Variants in SEC23IP observed in about 807,000 individuals in gnomAD.
The protein encoded by SEC23IP is SEC23 interacting protein, also known as SEC23-interacting protein.
Under a neutral mutation model 113.4 loss-of-function variants are expected in SEC23IP, and 70 were observed. The observed-to-expected ratio is 0.62, with a 90% CI of 0.51 to 0.75. The LOEUF is 0.75. SEC23IP is among the 30% of genes least tolerant of loss of function. The pLI, the probability that SEC23IP is intolerant of heterozygous loss-of-function variation, is 0.00. For missense variants in SEC23IP, 1,160 were observed against 1,204.9 expected (o/e 0.96, Z 0.55); for synonymous variants, 398 against 421.0 (o/e 0.95, Z 0.67).
intron 1 of SEC23IP, among the ~76,000 whole-genome samples, chr10:119,893,580 C>T (rs1250839087): frequency 7.2e-6 from 1 of 139,418 alleles, no homozygotes; most frequent in Admixed American, 7.8e-5. Context: ...AATGCAGTGG[C>T]GCGATCTCGG....
chr10:119,897,623 A>T (rs778736580), intron 1 of SEC23IP, among the ~76,000 whole-genome samples: 1 of 152,244 alleles, frequency 6.6e-6, no homozygotes, highest in Non-Finnish European at 1.5e-5. Flanking sequence ...GTCTCTTGTT[A>T]TCACTATAGA....
In SEC23IP at chr10:119,910,070, T is replaced by TGAA. The variant is rs1854808600; in HGVS notation, c.1191+942_1191+944dup. 2.6e-5 allele frequency among the ~76,000 whole-genome samples: 4 copies of TGAA among 152,330 alleles called. No homozygotes were observed. The South Asian group carries it at 8.3e-4, about 32-fold the overall frequency. Reference sequence around the variant, plus strand: ...GCTTTGCAAGTTACATGTTCCCTGTTGAAGCCACCAGCTCTGCCACCGTGG... The same window carrying TGAA: ...GCTTTGCAAGTTACATGTTCCCTGTTGAAGAAGCCACCAGCTCTGCCACCGTGG... On this transcript the variant is annotated intron_variant, in intron 5 of 18. Coordinates refer to ENST00000369075, the MANE Select transcript of SEC23IP (RefSeq NM_007190.4).
At chr10:119,934,362 A>G (rs912904285) in intron 18 of SEC23IP, among the ~76,000 whole-genome samples, 7 of 152,234 alleles carry the variant, frequency 4.6e-5, no homozygotes, top group Admixed American at 2.6e-4. Flanking sequence ...CCTATTGACT[A>G]GGCCTGTGTC....
Position 119,915,746 on chromosome 10 carries a change from A to G in SEC23IP, c.1403-2A>G. On this transcript the variant is annotated splice_acceptor_variant, in intron 7 of 18. Transcript: ENST00000369075. LOFTEE classifies it high-confidence loss of function. ...TTTCTCTTTTTTTTTTTTCTTTTGA[A>G]GTGGATGATTTTAGGGTGGTTTCTC... The G allele has an allele frequency of 6.5e-7, 1 of 1,530,414 alleles. No individual in the cohort carries two copies. The highest frequency in any genetic ancestry group is 8.8e-7 in the Non-Finnish European group (1 of 1,139,434). 94.8% of individuals were successfully genotyped at this position (1,530,414 alleles called of 1,614,324 possible). A position where few individuals can be genotyped will look rare whatever the true frequency, so the allele number is the denominator to read the frequency against.
chr10:119,904,276 AGGTACGG>A lies in SEC23IP; in HGVS notation c.1101+1_1101+7del, dbSNP rs778689822. The A allele has an allele frequency of 6.2e-7, 1 of 1,613,732 alleles. No individual in the cohort carries two copies. Among genetic ancestry groups the A allele is most frequent in the East Asian group, 2.2e-5 (1 of 44,890 alleles). The stretch of plus-strand genomic sequence containing the variant: ...ACTGAGGAGTTCAGTGAAAAACTAG[AGGTACGG>A]GTGCTTTATTTCTTTATGAGTTTCT... On this transcript the variant is annotated splice_donor_variant and splice_donor_5th_base_variant and coding_sequence_variant and intron_variant, in exon 4 of 19. Coordinates refer to ENST00000369075, the MANE Select transcript of SEC23IP (RefSeq NM_007190.4). LOFTEE classifies it high-confidence loss of function.
chr10:119,923,624 C>T (rs1855322321), intron 12 of SEC23IP, among the ~76,000 whole-genome samples: 2 of 151,680 alleles, frequency 1.3e-5, no homozygotes, highest in African/African-American at 4.8e-5. Context: ...TCTCGGCTCA[C>T]TGCAACCTCT....
chr10:119,937,412 G>A (rs1855830831), intron 18 of SEC23IP, among the ~76,000 whole-genome samples: 2 of 151,766 alleles, frequency 1.3e-5, no homozygotes, highest in African/African-American at 4.8e-5. Flanking sequence ...GATCACCTGA[G>A]GTCAGGAGGT....
rs778749246 is a variant in SEC23IP, at chr10:119,917,877, G to T, written c.1586G>T (p.Arg529Leu). The T allele has an allele frequency of 6.2e-7, 1 of 1,613,892 alleles. No homozygotes were observed. Among genetic ancestry groups the T allele is most frequent in the Non-Finnish European group, 8.5e-7 (1 of 1,179,916 alleles). The change falls in exon 9 of 19, where the codon CGT (arginine) becomes CTT (leucine). Residue 529 changes from arginine (R) to leucine (L), a missense_variant. Physicochemically the swap from Arg to Leu is moderately radical, Grantham distance 102. Coordinates refer to ENST00000369075, the MANE Select transcript of SEC23IP (RefSeq NM_007190.4). ...KITLPSIGRF[R>L]HFTNETLLDI... ...ACTTTGCCAAGTATTGGTCGATTTC[G>T]TCACTTTACCAATGAAACTTTGCTA...
At chr10:119,936,643 G>A (rs966736191) in intron 18 of SEC23IP, among the ~76,000 whole-genome samples, 2 of 151,218 alleles carry the variant, frequency 1.3e-5, no homozygotes, top group African/African-American at 4.9e-5. Context: ...AGTATGTAAA[G>A]GCCAGTATGC....
intron 12 of SEC23IP, 137 bp from the exon 13 acceptor site, chr10:119,925,899 T>A (rs1855403301): frequency 2.7e-6 from 2 of 747,022 alleles, no homozygotes; most frequent in Non-Finnish European, 4.2e-6. Flanking sequence ...AGGCATTTTT[T>A]AAAGTAATCA....
chr10:119,919,360 T>A lies in SEC23IP; in HGVS notation c.1873-84T>A, dbSNP rs566931731. On this transcript the variant is annotated intron_variant, in intron 10 of 18. Transcript: ENST00000369075. ...TTATGATTTCTGTGTAAAGCAAAAT[T>A]GTTTGAGAGTTTTCGTAGATCAGCA... is the stretch of plus-strand genomic sequence containing the variant. 1.7e-5 allele frequency: 22 copies of A among 1,265,550 alleles called. No homozygotes were observed. In the Admixed American group the frequency reaches 1.9e-4, roughly 11 times the overall value. The allele number at this position is 1,265,550 out of a possible 1,614,324, so 78.4% of individuals were successfully genotyped here. A position where few individuals can be genotyped will look rare whatever the true frequency, so the allele number is the denominator to read the frequency against.
chr10:119,913,233 C>A (rs1854926877), intron 6 of SEC23IP, among the ~76,000 whole-genome samples: 1 of 88,310 alleles, frequency 1.1e-5, no homozygotes, highest in Non-Finnish European at 2.2e-5. Context: ...AGTATAGATT[C>A]TAAAATATGT....
chr10:119,898,882 C>G lies in SEC23IP; in HGVS notation c.619C>G (p.Pro207Ala), dbSNP rs369804173. The G allele has an allele frequency of 1.2e-6, 2 of 1,607,490 alleles. No individual in the cohort carries two copies. Among genetic ancestry groups the G allele is most frequent in the Non-Finnish European group, 1.7e-6 (2 of 1,179,962 alleles). Residue 207 changes from proline (P) to alanine (A), a missense_variant, in exon 2 of 19, where the codon CCA becomes GCA. Physicochemically the swap from Pro to Ala is conservative, Grantham distance 27 (BLOSUM62 -1). Coordinates refer to ENST00000369075, the MANE Select transcript of SEC23IP (RefSeq NM_007190.4). ...ACCCCAGCTGCAGCAGTGCCAAACA[C>G]CAGGCCCTCCTGCTCATCCTCCACC... ...APPQLQQCQT[P>A]GPPAHPPPSG... is the part of the protein sequence containing the mutation.
At chr10:119,903,500 T>G (rs556678920) in intron 3 of SEC23IP, among the ~76,000 whole-genome samples, 20 of 152,328 alleles carry the variant, frequency 1.3e-4, no homozygotes, top group Admixed American at 9.8e-4. Context: ...CCTGATATAT[T>G]ATTATATCAC....
At chr10:119,913,375 A>G (rs528954763) in intron 6 of SEC23IP, among the ~76,000 whole-genome samples, 9 of 152,334 alleles carry the variant, frequency 5.9e-5, no homozygotes, top group African/African-American at 1.9e-4. Context: ...AAAGGGCCAG[A>G]TAGCAGATAG....
Position 119,894,892 on chromosome 10 carries a change from CTGTGTGTGTGTGTG to C in SEC23IP, c.163+1978_163+1991del, listed in dbSNP as rs3065498. 1.5e-3 allele frequency among the ~76,000 whole-genome samples: 220 copies of C among 143,598 alleles called. 1 individual carries two copies. Among genetic ancestry groups the C allele is most frequent in the African/African-American group, 3.7e-3 (145 of 39,440 alleles). 94.2% of individuals were successfully genotyped at this position (143,598 alleles called of 152,430 possible). On this transcript the variant is annotated intron_variant, in intron 1 of 18. Transcript: ENST00000369075. ...AATGCTTTTGTTTCTTGGAGACAGTCTGTGTGTGTGTGTGTGTGTGTGTGTGTGTGTGTGTGTGT... is the reference window on the plus strand; with the variant it reads ...AATGCTTTTGTTTCTTGGAGACAGTCTGTGTGTGTGTGTGTGTGTGTGTGT...
chr10:119,899,633 CTG>C (rs1171485052), intron 2 of SEC23IP, among the ~76,000 whole-genome samples: 1 of 152,124 alleles, frequency 6.6e-6, no homozygotes, highest in Non-Finnish European at 1.5e-5. Context: ...AGAATGGACT[CTG>C]TTTTATCATT....
Position 119,920,996 on chromosome 10 carries a change from C to T in SEC23IP, c.2121+12C>T, listed in dbSNP as rs1446072769. ...AAGCAGCCAAACTGGTAAAGTTCAC[C>T]TCTGACTCAAGAAAAACTAAAACTC... On this transcript the variant is annotated intron_variant, in intron 12 of 18. Transcript: ENST00000369075. The T allele has an allele frequency of 2.5e-6, 4 of 1,588,150 alleles. No individual in the cohort carries two copies. The highest frequency in any genetic ancestry group is 3.5e-6 in the Non-Finnish European group (4 of 1,157,406).
In SEC23IP at chr10:119,932,228, C is replaced by T. The variant is rs752014793; in HGVS notation, c.2668C>T (p.Arg890Cys). ...SAWQTLNEFA[R>C]AHTSSTQLQE... ...TTGGCAGACATTAAATGAGTTTGCC[C>T]GTGCTCATACGTCTTCAACCCAGTT... Residue 890 changes from arginine to cysteine, a missense_variant, in exon 16 of 19, where the codon CGT (arginine) becomes TGT (cysteine). Physicochemically the swap from Arg to Cys is radical, Grantham distance 180. Transcript: ENST00000369075. The T allele has an allele frequency of 2.0e-5, 33 of 1,612,950 alleles. No homozygotes were observed. Among genetic ancestry groups the T allele is most frequent in the African/African-American group, 2.7e-5 (2 of 74,848 alleles).
Sources: allele counts gnomAD v4.1 joint callset (sites outside exome capture counted in the v4.1 genomes callset), GRCh38; gene constraint gnomAD v4.1.1; transcripts MANE v1.5; gene names NCBI Gene and HGNC (gene_info 2026-07-23, HGNC 2026-07-21).